The following SLC24A4 variants were observed in gnomAD, a reference collection of about 807,000 sequenced individuals.
SLC24A4 encodes sodium/potassium/calcium exchanger 4.
Under a neutral mutation model 79.0 loss-of-function variants are expected in SLC24A4, and 53 were observed. The observed-to-expected ratio is 0.67, with a 90% CI of 0.54 to 0.84. The LOEUF (loss-of-function observed/expected upper bound fraction) is 0.84. Ranked by LOEUF, SLC24A4 falls within the 40% of genes least tolerant of loss-of-function variation. The pLI, the probability that SLC24A4 is intolerant of heterozygous loss-of-function variation, is 0.00. For missense variants in SLC24A4, 731 were observed against 822.0 expected, an observed-to-expected ratio of 0.89 and a Z score of 1.35; for synonymous variants, 323 against 323.8, an observed-to-expected ratio of 1.00 and a Z score of 0.03.
intron 2 of SLC24A4, among the ~76,000 whole-genome samples, chr14:92,414,262 C>T (rs911326971): frequency 3.9e-5 from 6 of 152,056 alleles, no homozygotes; most frequent in African/African-American, 1.5e-4. Context: ...CCAGTAGCAC[C>T]CCTCCCCCGG....
chr14:92,342,363 C>CATTAATTTATTTATTT (rs377654077), intron 2 of SLC24A4, among the ~76,000 whole-genome samples: 2,107 of 137,908 alleles, frequency 0.015, 44 homozygotes, highest in African/African-American at 0.053. Flanking sequence ...TTTTTTTCCC[C>CATTAATTTATTTATTT]ATTTATTTAT....
At chr14:92,339,031 C>G (rs1354553618) in intron 2 of SLC24A4, among the ~76,000 whole-genome samples, 1 of 152,188 alleles carries the variant, frequency 6.6e-6, no homozygotes, top group Non-Finnish European at 1.5e-5. Context: ...CCTGGCTGGC[C>G]CCTCTAGCCT....
chr14:92,377,338 G>A (rs1047425603), intron 2 of SLC24A4, among the ~76,000 whole-genome samples: 2 of 152,184 alleles, frequency 1.3e-5, no homozygotes, highest in Non-Finnish European at 2.9e-5. Context: ...GTGTGGCATG[G>A]TCCTTGTTCA....
intron 9 of SLC24A4, 22 bp from the exon 10 acceptor site, chr14:92,449,049 ACCT>A (rs1892975915): frequency 6.2e-7 from 1 of 1,612,962 alleles, no homozygotes; most frequent in Non-Finnish European, 8.5e-7. Context: ...CATTGCCCTG[ACCT>A]CCTGCCTCCC....
intron 12 of SLC24A4, among the ~76,000 whole-genome samples, chr14:92,478,653 G>GT (rs1491062628): frequency 2.7e-5 from 4 of 148,202 alleles, no homozygotes; most frequent in Non-Finnish European, 4.4e-5. Context: ...GCTTTGTTTT[G>GT]TTTTTTTTTC....
chr14:92,340,570 C>T (rs987699354), intron 2 of SLC24A4, among the ~76,000 whole-genome samples: 6 of 15,812 alleles, frequency 3.8e-4, no homozygotes, highest in East Asian at 4.8e-3. Flanking sequence ...TCCGAGGCTG[C>T]ATCATGCCAA....
In SLC24A4 at chr14:92,445,336, TTGTG is replaced by T; in HGVS notation, c.680_683del (p.Val227GlyfsTer16). The T allele has an allele frequency of 6.2e-7, 1 of 1,614,112 alleles. No individual in the cohort carries two copies. The highest frequency in any genetic ancestry group is 1.7e-5 in the Admixed American group (1 of 60,030). ...TTACAGTTCATATATGATGAACAAA[TTGTG>T]TGGTAAGTTTTTCAAGTGTAGTTTT... On this transcript the variant is annotated frameshift_variant and splice_region_variant, in exon 8 of 17. Coordinates refer to ENST00000532405, the MANE Select transcript of SLC24A4 (RefSeq NM_153646.4). LOFTEE classifies it high-confidence loss of function.
chr14:92,331,005 G>C (rs1885446641), intron 2 of SLC24A4, among the ~76,000 whole-genome samples: 1 of 152,194 alleles, frequency 6.6e-6, no homozygotes, highest in Non-Finnish European at 1.5e-5. Flanking sequence ...ACCTTGGCCT[G>C]TAAATGAGAG....
Position 92,337,102 on chromosome 14 carries a change from T to A in SLC24A4, c.241+11124T>A, listed in dbSNP as rs536422381. Reference sequence around the variant, plus strand: ...ATCAGATTACTTGGATTTTTTTTTTTAAAAACATGGGGAGGGGGTGGCAGT... The same window carrying A: ...ATCAGATTACTTGGATTTTTTTTTTAAAAAACATGGGGAGGGGGTGGCAGT... On this transcript the variant is annotated intron_variant, in intron 2 of 16. Transcript: ENST00000532405. 4.8e-3 allele frequency among the ~76,000 whole-genome samples: 734 copies of A among 151,790 alleles called. 2 individuals carry two copies. Among genetic ancestry groups the A allele is most frequent in the Middle Eastern group, 0.017 (5 of 292 alleles).
chr14:92,348,438 G>A (rs766526828), intron 2 of SLC24A4, among the ~76,000 whole-genome samples: 10 of 152,156 alleles, frequency 6.6e-5, no homozygotes, highest in Non-Finnish European at 1.0e-4. Context: ...CCACTCTGCC[G>A]ATGCAGGGTG....
intron 2 of SLC24A4, among the ~76,000 whole-genome samples, chr14:92,385,579 TTATTCA>T (rs1392809886): frequency 6.6e-6 from 1 of 152,150 alleles, no homozygotes; most frequent in Non-Finnish European, 1.5e-5. Context: ...TCACCCATTA[TTATTCA>T]TAACATACCC....
intron 2 of SLC24A4, among the ~76,000 whole-genome samples, chr14:92,385,177 G>A (rs1267345473): frequency 6.6e-6 from 1 of 152,196 alleles, no homozygotes; most frequent in Non-Finnish European, 1.5e-5. Flanking sequence ...CTAAGACACA[G>A]TGCCTACCCA....
intron 7 of SLC24A4, among the ~76,000 whole-genome samples, chr14:92,444,968 C>T (rs1892713847): frequency 7.4e-6 from 1 of 135,478 alleles, no homozygotes; most frequent in South Asian, 2.4e-4. Context: ...CACACACACA[C>T]ACACTTAGCT....
chr14:92,370,129 T>C (rs1888069041), intron 2 of SLC24A4, among the ~76,000 whole-genome samples: 1 of 152,196 alleles, frequency 6.6e-6, no homozygotes, highest in Admixed American at 6.5e-5. Flanking sequence ...TACTAAAAAA[T>C]TGTATCCTTC....
At chr14:92,380,649 G>T (rs575479032) in intron 2 of SLC24A4, among the ~76,000 whole-genome samples, 1 of 152,204 alleles carries the variant, frequency 6.6e-6, no homozygotes, top group South Asian at 2.1e-4. Flanking sequence ...GTAATTTATC[G>T]ACTCCAGGAA....
intron 2 of SLC24A4, among the ~76,000 whole-genome samples, chr14:92,357,015 CT>C: frequency 6.6e-6 from 1 of 152,226 alleles, no homozygotes; most frequent in African/African-American, 2.4e-5. Flanking sequence ...GAGTAGCTTC[CT>C]CTGTGTTTGA....
intron 2 of SLC24A4, among the ~76,000 whole-genome samples, chr14:92,431,624 T>A (rs1891874069): frequency 6.6e-6 from 1 of 152,228 alleles, no homozygotes; most frequent in Non-Finnish European, 1.5e-5. Flanking sequence ...CAGCCTTTGA[T>A]GTCCATGCCA....
intron 2 of SLC24A4, among the ~76,000 whole-genome samples, chr14:92,380,127 G>A (rs1345497502): frequency 6.6e-6 from 1 of 152,218 alleles, no homozygotes; most frequent in African/African-American, 2.4e-5. Context: ...GGAGGACATG[G>A]CGCTCGAAGC....
intron 2 of SLC24A4, among the ~76,000 whole-genome samples, chr14:92,377,910 G>A (rs1199735722): frequency 6.6e-6 from 1 of 151,924 alleles, no homozygotes; most frequent in Non-Finnish European, 1.5e-5. Context: ...CTGGCCACCA[G>A]CTTGGGGAAG....
Sources: allele counts gnomAD v4.1 joint callset (sites outside exome capture counted in the v4.1 genomes callset), GRCh38; gene constraint gnomAD v4.1.1; transcripts MANE v1.5; gene names NCBI Gene and HGNC (gene_info 2026-07-23, HGNC 2026-07-21).